The following SLC8A3 variants were observed in gnomAD, a reference collection of about 807,000 sequenced individuals.
The protein encoded by SLC8A3 is solute carrier family 8 member A3.
In SLC8A3, 37 loss-of-function variants were observed where a neutral mutation model predicts 65.4. The ratio of observed to expected loss-of-function variants is 0.57; its 90% confidence interval spans 0.44 to 0.74. The LOEUF (loss-of-function observed/expected upper bound fraction) is 0.74. Among genes scored for constraint, SLC8A3 ranks in the 30% least tolerant of loss-of-function variants. The pLI, the probability that SLC8A3 is intolerant of heterozygous loss-of-function variation, is 0.00. For synonymous variants in SLC8A3, 461 were observed against 444.5 expected, an observed-to-expected ratio of 1.04 and a Z score of -0.47; for missense variants, 1,112 against 1,172.1, an observed-to-expected ratio of 0.95 and a Z score of 0.75.
chr14:70,088,124 T>C (rs951868298), intron 2 of SLC8A3, among the ~76,000 whole-genome samples: 1 of 152,168 alleles, frequency 6.6e-6, no homozygotes, highest in Admixed American at 6.5e-5. Flanking sequence ...GAAAAGAAGA[T>C]TATGAATACT....
At chr14:70,157,683 C>T (rs539024366) in intron 2 of SLC8A3, among the ~76,000 whole-genome samples, 45 of 152,264 alleles carry the variant, frequency 3.0e-4, no homozygotes, top group South Asian at 1.0e-3. Flanking sequence ...AGACAGAAAG[C>T]GGTCTCTAGA....
At chr14:70,078,297 A>G (rs1890723089) in intron 2 of SLC8A3, among the ~76,000 whole-genome samples, 1 of 152,202 alleles carries the variant, frequency 6.6e-6, no homozygotes, top group South Asian at 2.1e-4. Flanking sequence ...GATCTTGCCC[A>G]TTCATCTTTA....
At chr14:70,081,431 C>T (rs531945213) in intron 2 of SLC8A3, among the ~76,000 whole-genome samples, 1 of 152,200 alleles carries the variant, frequency 6.6e-6, no homozygotes, top group East Asian at 1.9e-4. Context: ...TCACCTATCT[C>T]TTTTTCCTAT....
At chr14:70,115,938 T>C (rs1020725180) in intron 2 of SLC8A3, among the ~76,000 whole-genome samples, 1 of 152,158 alleles carries the variant, frequency 6.6e-6, no homozygotes, top group South Asian at 2.1e-4. Flanking sequence ...CTATGCCACC[T>C]GAAAAAGTAT....
intron 2 of SLC8A3, among the ~76,000 whole-genome samples, chr14:70,078,884 A>C (rs1431302875): frequency 6.6e-6 from 1 of 152,336 alleles, no homozygotes; most frequent in East Asian, 1.9e-4. Context: ...GGTTGAGGCT[A>C]AGCTTCTAGC....
chr14:70,091,457 C>T (rs1431697234), intron 2 of SLC8A3, among the ~76,000 whole-genome samples: 3 of 152,138 alleles, frequency 2.0e-5, no homozygotes, highest in Non-Finnish European at 2.9e-5. Flanking sequence ...TCTTTAATAT[C>T]GTATACCCCC....
At chr14:70,058,063 C>G (rs1490496521) in intron 3 of SLC8A3, among the ~76,000 whole-genome samples, 1 of 152,148 alleles carries the variant, frequency 6.6e-6, no homozygotes, top group South Asian at 2.1e-4. Flanking sequence ...TTTTTTCCAT[C>G]CCCCAGCTCA....
At chr14:70,103,781 A>C (rs1892685173) in intron 2 of SLC8A3, among the ~76,000 whole-genome samples, 1 of 152,098 alleles carries the variant, frequency 6.6e-6, no homozygotes, top group Non-Finnish European at 1.5e-5. Context: ...ACAAGACGGT[A>C]GATTTAACTC....
At chr14:70,141,118 C>A (rs981366262) in intron 2 of SLC8A3, among the ~76,000 whole-genome samples, 13 of 152,214 alleles carry the variant, frequency 8.5e-5, no homozygotes, top group African/African-American at 3.1e-4. Context: ...TCTTGTCAGG[C>A]ATGGTGCCAA....
At chr14:70,050,523 G>A (rs895109826) in intron 5 of SLC8A3, among the ~76,000 whole-genome samples, 1 of 152,170 alleles carries the variant, frequency 6.6e-6, no homozygotes, top group Non-Finnish European at 1.5e-5. Context: ...AGTAAATGCC[G>A]AGGGAGGGGT....
intron 2 of SLC8A3, 47 bp downstream of exon 2, chr14:70,166,592 G>A (rs1260591260): frequency 1.9e-6 from 2 of 1,073,590 alleles, no homozygotes; most frequent in Admixed American, 2.2e-5. Flanking sequence ...GAAAGAGATG[G>A]CAAAAGATGG....
At chr14:70,096,466 G>C (rs937346005) in intron 2 of SLC8A3, among the ~76,000 whole-genome samples, 1 of 152,158 alleles carries the variant, frequency 6.6e-6, no homozygotes, top group African/African-American at 2.4e-5. Context: ...GATTTCAGCT[G>C]ATCTATCTCA....
intron 1 of SLC8A3, among the ~76,000 whole-genome samples, chr14:70,171,293 A>G (rs146853939): frequency 2.6e-3 from 392 of 152,314 alleles, no homozygotes; most frequent in Non-Finnish European, 4.4e-3. Flanking sequence ...TTGGGATGGT[A>G]GAATCATCCT....
intron 2 of SLC8A3, among the ~76,000 whole-genome samples, chr14:70,074,171 C>CA (rs1273011449): frequency 6.6e-6 from 1 of 152,198 alleles, no homozygotes; most frequent in African/African-American, 2.4e-5. Flanking sequence ...CACTGGATGA[C>CA]AGAACAGCCT....
At chr14:70,060,778 G>A in intron 3 of SLC8A3, 58 bp downstream of exon 3, 2 of 962,004 alleles carry the variant, frequency 2.1e-6, no homozygotes, top group Non-Finnish European at 3.4e-6. Flanking sequence ...TTGTTTTTCA[G>A]TTTGTTTTAA....
At chr14:70,076,287 A>C (rs951160911) in intron 2 of SLC8A3, among the ~76,000 whole-genome samples, 2 of 151,958 alleles carry the variant, frequency 1.3e-5, no homozygotes, top group African/African-American at 4.8e-5. Flanking sequence ...ACTCTCCATC[A>C]TATCTGTTTC....
Position 70,166,677 on chromosome 14 carries a change from G to A in SLC8A3, c.1746C>T (p.Asp582=). The part of the protein sequence containing the change: ...TAKGGGEDFE[D]TYGELEFKND... ...TCTTGAATTCCAACTCCCCATATGT[G>A]TCTTCAAAGTCCTCACCGCCACCCT... The change falls in exon 2 of 7, where the codon GAC becomes GAT. Residue 582 remains aspartate (D), a synonymous_variant. Coordinates refer to ENST00000356921, the MANE Select transcript of SLC8A3 (RefSeq NM_182932.3). 1.2e-6 allele frequency: 2 copies of A among 1,611,188 alleles called. No homozygotes were observed. Among genetic ancestry groups the A allele is most frequent in the Non-Finnish European group, 1.7e-6 (2 of 1,178,462 alleles).
At chr14:70,181,418 G>C (rs946605914) in intron 1 of SLC8A3, among the ~76,000 whole-genome samples, 4 of 151,202 alleles carry the variant, frequency 2.6e-5, no homozygotes, top group African/African-American at 9.7e-5. Flanking sequence ...GACATAGAGT[G>C]GGAGACAGAA....
Position 70,175,774 on chromosome 14 carries a change from A to G in SLC8A3, c.-62-7290T>C, listed in dbSNP as rs184481743. ...TTTTGAGAGGCAGTTTCACTCTGTC[A>G]CCCAGGCTGGAGTGTAGTGGCGCAA... On this transcript the variant is annotated intron_variant, in intron 1 of 6. Transcript: ENST00000356921. Among the ~76,000 whole-genome samples the G allele has an allele frequency of 3.9e-3, 552 of 142,740 alleles. 4 individuals carry two copies. The highest frequency in any genetic ancestry group is 0.014 in the African/African-American group (516 of 37,786). 93.6% of individuals were successfully genotyped at this position (142,740 alleles called of 152,430 possible).
Sources: gnomAD v4.1 joint callset for allele counts (sites outside exome capture counted in the v4.1 genomes callset) on GRCh38, gnomAD v4.1.1 for gene constraint, MANE v1.5 for transcripts, NCBI Gene and HGNC (gene_info 2026-07-23, HGNC 2026-07-21) for gene names.